The following CNBD1 variants were observed in gnomAD, a reference collection of about 807,000 sequenced individuals.
The protein encoded by CNBD1 is cyclic nucleotide-binding domain-containing protein 1.
A neutral mutation model predicts 54.4 loss-of-function variants in CNBD1; 71 were observed. The observed-to-expected ratio is 1.30, with a 90% CI of 1.08 to 1.59. The LOEUF is 1.59. Among genes scored for constraint, CNBD1 ranks in the 40% most tolerant of loss-of-function variants. CNBD1 has a pLI of 0.00. For synonymous variants in CNBD1, 182 were observed against 170.7 expected, an observed-to-expected ratio of 1.07 and a Z score of -0.51; for missense variants, 659 against 518.0, an observed-to-expected ratio of 1.27 and a Z score of -2.64.
At chr8:87,023,492 C>T (rs1240656981) in intron 4 of CNBD1, among the ~76,000 whole-genome samples, 1 of 152,080 alleles carries the variant, frequency 6.6e-6, no homozygotes, top group Non-Finnish European at 1.5e-5. Flanking sequence ...ATTTCCTTAT[C>T]TGTAGAGACC....
At chr8:86,917,671 T>C (rs1809208556) in intron 3 of CNBD1, among the ~76,000 whole-genome samples, 2 of 152,052 alleles carry the variant, frequency 1.3e-5, no homozygotes, top group Admixed American at 1.3e-4. Flanking sequence ...GAAAAATCCA[T>C]TCATTCCTAA....
At position 87,307,423 on chromosome 8, in the gene CNBD1, TG is replaced by T. The variant is rs532602030; in HGVS notation, c.1042+20753del. On this transcript the variant is annotated intron_variant, in intron 8 of 10. Coordinates refer to ENST00000518476, the MANE Select transcript of CNBD1 (RefSeq NM_173538.3). Reference sequence around the variant, plus strand: ...AAATGGAATCTGGTTAGGAAATTTTTGCTGAAAACTTAAGTGATCAGAACTT... The same window carrying T: ...AAATGGAATCTGGTTAGGAAATTTTTCTGAAAACTTAAGTGATCAGAACTT... Among the ~76,000 whole-genome samples, 945 of 152,282 alleles carry T rather than the reference TG, an allele frequency of 6.2e-3. 8 individuals carry two copies. Among genetic ancestry groups the T allele is most frequent in the African/African-American group, 0.021 (885 of 41,560 alleles).
At chr8:87,018,384 A>G (rs1205279131) in intron 4 of CNBD1, among the ~76,000 whole-genome samples, 1 of 152,226 alleles carries the variant, frequency 6.6e-6, no homozygotes, top group Non-Finnish European at 1.5e-5. Flanking sequence ...TCTCTTTAAT[A>G]AAAAAGGTGG....
intron 3 of CNBD1, among the ~76,000 whole-genome samples, chr8:86,933,446 A>G (rs1809491250): frequency 6.6e-6 from 1 of 152,232 alleles, no homozygotes; most frequent in Admixed American, 6.5e-5. Flanking sequence ...TCTCATGTAC[A>G]CAATGTTGAA....
In CNBD1 at chr8:86,866,478, T is replaced by C. The variant is rs1385093776; in HGVS notation, c.-18T>C. 6 of 1,598,224 alleles carry C rather than the reference T, an allele frequency of 3.8e-6. No individual in the cohort carries two copies. The African/African-American group carries it at 8.0e-5, about 21-fold the overall frequency. The stretch of plus-strand genomic sequence containing the variant: ...CTCAAGCAGCCTCTGGTCATCTATC[T>C]GCCTTTGAGCCATCAAGATGCCGAT... On this transcript the variant is annotated 5_prime_UTR_variant, in exon 1 of 11. Transcript: ENST00000518476.
chr8:87,220,911 CA>C (rs1232314316), intron 5 of CNBD1, among the ~76,000 whole-genome samples: 1 of 152,030 alleles, frequency 6.6e-6, no homozygotes, highest in African/African-American at 2.4e-5. Flanking sequence ...CCCAGTGTTA[CA>C]TGAGAATGCC....
intron 4 of CNBD1, among the ~76,000 whole-genome samples, chr8:87,089,250 C>T (rs886403767): frequency 6.6e-6 from 1 of 151,934 alleles, no homozygotes; most frequent in African/African-American, 2.4e-5. Flanking sequence ...GTAGCTAATG[C>T]TGGTTATTAA....
At chr8:87,127,882 C>T (rs1812025184) in intron 4 of CNBD1, among the ~76,000 whole-genome samples, 1 of 152,134 alleles carries the variant, frequency 6.6e-6, no homozygotes, top group South Asian at 2.1e-4. Flanking sequence ...TGGGAACAGG[C>T]ATTTATCTTT....
chr8:86,896,302 T>G (rs186786106), intron 2 of CNBD1, among the ~76,000 whole-genome samples: 23 of 152,236 alleles, frequency 1.5e-4, no homozygotes, highest in African/African-American at 5.5e-4. Context: ...ACCCCCAATC[T>G]TTATAAAAGT....
chr8:86,912,884 A>G (rs905584362), intron 3 of CNBD1, among the ~76,000 whole-genome samples: 11 of 152,140 alleles, frequency 7.2e-5, no homozygotes, highest in African/African-American at 2.7e-4. Context: ...CTGACCCTGT[A>G]TAGGCCTAGG....
At chr8:87,351,662 T>A (rs1810296887) in intron 8 of CNBD1, 23 bp from the exon 9 acceptor site, 2 of 1,459,796 alleles carry the variant, frequency 1.4e-6, no homozygotes, top group Admixed American at 3.3e-5. Flanking sequence ...ATGTGTGAAA[T>A]GAACTATCTC....
chr8:87,021,430 GA>G (rs1449221476), intron 4 of CNBD1, among the ~76,000 whole-genome samples: 1 of 152,192 alleles, frequency 6.6e-6, no homozygotes, highest in African/African-American at 2.4e-5. Context: ...TGAATAATAA[GA>G]TGCTATTTGG....
chr8:87,130,280 T>C (rs565801986), intron 4 of CNBD1, among the ~76,000 whole-genome samples: 6 of 152,312 alleles, frequency 3.9e-5, no homozygotes, highest in Non-Finnish European at 5.9e-5. Context: ...TTTGTGCAAT[T>C]CCAGTATTTC....
chr8:87,248,594 T>C (rs556147389), intron 6 of CNBD1, among the ~76,000 whole-genome samples: 2 of 152,334 alleles, frequency 1.3e-5, no homozygotes, highest in Non-Finnish European at 2.9e-5. Flanking sequence ...ATGGCTTCGT[T>C]GGATAGCCTG....
intron 10 of CNBD1, among the ~76,000 whole-genome samples, chr8:87,371,172 G>C (rs527578269): frequency 1.3e-5 from 2 of 151,920 alleles, no homozygotes; most frequent in African/African-American, 2.4e-5. Flanking sequence ...GATGCCTCCA[G>C]TTTTGTTCTT....
intron 8 of CNBD1, among the ~76,000 whole-genome samples, chr8:87,289,269 A>T (rs143384419): frequency 1.7e-3 from 265 of 152,256 alleles, no homozygotes; most frequent in Non-Finnish European, 2.7e-3. Flanking sequence ...TAAAGCTTGT[A>T]TCTGACTCTA....
At chr8:87,112,248 G>A (rs1811678515) in intron 4 of CNBD1, among the ~76,000 whole-genome samples, 1 of 152,114 alleles carries the variant, frequency 6.6e-6, no homozygotes, top group Non-Finnish European at 1.5e-5. Flanking sequence ...GCATCTCTAA[G>A]CATCATTGCC....
In CNBD1 at chr8:87,390,531, C is replaced by A. The variant is rs185724966; in HGVS notation, c.213+36745C>A. The stretch of plus-strand genomic sequence containing the variant: ...GCCATCAGAAAAATGCAAATCAAAA[C>A]CATAGTGCGATATCATCTCACACCA... On this transcript the variant is annotated intron_variant, in intron 2 of 7. Transcript: ENST00000521593. 7.6e-3 allele frequency among the ~76,000 whole-genome samples: 1,156 copies of A among 152,230 alleles called. 8 individuals carry two copies. The highest frequency in any genetic ancestry group is 0.014 in the South Asian group (67 of 4,824).
chr8:87,298,488 C>CTTT (rs11414234), intron 8 of CNBD1, among the ~76,000 whole-genome samples: 33 of 139,822 alleles, frequency 2.4e-4, no homozygotes, highest in Middle Eastern at 3.7e-3. Flanking sequence ...TTTTTTCCCT[C>CTTT]TTTTTTTTTT....
Sources: allele counts gnomAD v4.1 joint callset (sites outside exome capture counted in the v4.1 genomes callset), GRCh38; gene constraint gnomAD v4.1.1; transcripts MANE v1.5; gene names NCBI Gene and HGNC (gene_info 2026-07-23, HGNC 2026-07-21).